ADAM9: variants seen among roughly 807,000 people sequenced by gnomAD.
The protein encoded by ADAM9 is ADAM metallopeptidase domain 9.
A neutral mutation model predicts 108.1 loss-of-function variants in ADAM9; 54 were observed. The observed-to-expected ratio is 0.50, with a 90% CI of 0.40 to 0.63. The LOEUF (loss-of-function observed/expected upper bound fraction) is 0.63, where lower values mean the gene tolerates loss of function less well. Ranked by LOEUF, ADAM9 falls within the 20% of genes least tolerant of loss-of-function variation. The probability of loss-of-function intolerance (pLI) is 0.00; values close to 1 mark genes in which losing one functional copy is unlikely to be tolerated. For synonymous variants in ADAM9, 316 were observed against 336.0 expected (o/e 0.94, Z 0.65); for missense variants, 830 against 997.7 (o/e 0.83, Z 2.26).
chr8:39,031,432 T>C (rs4733969), intron 11 of ADAM9, among the ~76,000 whole-genome samples: 123,117 of 152,174 alleles, frequency 0.81, 49,961 homozygotes, highest in East Asian at 0.95. Context: ...CACCTTTTGC[T>C]AATAACACAG....
chr8:39,033,571 CTTATAA>C (rs1387443358), intron 11 of ADAM9, among the ~76,000 whole-genome samples: 3 of 151,032 alleles, frequency 2.0e-5, no homozygotes, highest in African/African-American at 7.3e-5. Context: ...AAATATATGT[CTTATAA>C]TTATATCACT....
At chr8:39,067,091 G>A (rs1025435000) in intron 14 of ADAM9, among the ~76,000 whole-genome samples, 2 of 152,102 alleles carry the variant, frequency 1.3e-5, no homozygotes, top group Non-Finnish European at 2.9e-5. Context: ...TGAGGGCTCT[G>A]TTCTGTTCCA....
chr8:39,080,367 C>G (rs1249879178), intron 16 of ADAM9, among the ~76,000 whole-genome samples: 1 of 151,898 alleles, frequency 6.6e-6, no homozygotes, highest in East Asian at 1.9e-4. Context: ...TTTTTAAGAC[C>G]TTTTGTCTTT....
chr8:39,083,236 T>G (rs149879794), intron 18 of ADAM9, among the ~76,000 whole-genome samples, 163 bp downstream of exon 18: 17 of 152,296 alleles, frequency 1.1e-4, no homozygotes, highest in African/African-American at 4.1e-4. Flanking sequence ...TCATCCCCAT[T>G]TATTACTTTC....
intron 3 of ADAM9, 91 bp downstream of exon 3, chr8:39,011,807 T>C: frequency 8.1e-7 from 1 of 1,239,716 alleles, no homozygotes; most frequent in Admixed American, 1.7e-5. Flanking sequence ...TAGTGGATCC[T>C]GAACCCTGGG....
intron 20 of ADAM9, among the ~76,000 whole-genome samples, chr8:39,097,102 TAGC>T (rs934116585): frequency 9.2e-5 from 14 of 152,180 alleles, no homozygotes; most frequent in African/African-American, 3.4e-4. Flanking sequence ...TTTGAAGAAT[TAGC>T]TGCCTTTCTC....
At chr8:39,065,180 T>C (rs1406316280) in intron 14 of ADAM9, among the ~76,000 whole-genome samples, 3 of 151,630 alleles carry the variant, frequency 2.0e-5, no homozygotes, top group African/African-American at 7.3e-5. Context: ...GATTTTCTTA[T>C]CTTTCCTGTC....
chr8:39,081,792 T>C (rs1354043864), intron 16 of ADAM9, among the ~76,000 whole-genome samples: 9 of 152,218 alleles, frequency 5.9e-5, no homozygotes, highest in African/African-American at 2.2e-4. Context: ...ATTTAAATAT[T>C]CTGATCTTGT....
At chr8:39,067,122 G>C (rs1838505398) in intron 14 of ADAM9, among the ~76,000 whole-genome samples, 1 of 152,032 alleles carries the variant, frequency 6.6e-6, no homozygotes, top group South Asian at 2.1e-4. Context: ...TCTCTGTTTT[G>C]GTACCAGTAC....
chr8:39,021,116 C>G (rs1472533571), intron 7 of ADAM9, among the ~76,000 whole-genome samples: 1 of 152,154 alleles, frequency 6.6e-6, no homozygotes, highest in Non-Finnish European at 1.5e-5. Context: ...CTTCAGTGCT[C>G]TTTCATTATT....
At chr8:39,056,874 A>G (rs930505679) in intron 14 of ADAM9, among the ~76,000 whole-genome samples, 2 of 152,116 alleles carry the variant, frequency 1.3e-5, no homozygotes, top group Non-Finnish European at 2.9e-5. Context: ...ATAGTTAGTT[A>G]GGGTTCTCTA....
intron 11 of ADAM9, among the ~76,000 whole-genome samples, chr8:39,035,123 A>G (rs1837227945): frequency 6.6e-6 from 1 of 151,624 alleles, no homozygotes; most frequent in Admixed American, 6.6e-5. Flanking sequence ...AGTTTTTTAA[A>G]TATGTTTCCT....
At chr8:39,082,861 C>T (rs896350672) in intron 17 of ADAM9, 107 bp from the exon 18 acceptor site, 108 of 1,322,838 alleles carry the variant, frequency 8.2e-5, no homozygotes, top group Non-Finnish European at 9.8e-5. Flanking sequence ...TAAACAGTGT[C>T]AGTAAGCTTG....
At chr8:39,087,516 T>G (rs1488042872) in intron 18 of ADAM9, among the ~76,000 whole-genome samples, 7 of 152,240 alleles carry the variant, frequency 4.6e-5, no homozygotes, top group African/African-American at 1.7e-4. Context: ...GATAACTCAC[T>G]GTTAACATTG....
At chr8:39,052,371 T>G (rs1837985206) in intron 12 of ADAM9, among the ~76,000 whole-genome samples, 1 of 152,216 alleles carries the variant, frequency 6.6e-6, no homozygotes, top group South Asian at 2.1e-4. Flanking sequence ...ACATAACTCC[T>G]TTGTTATATA....
At chr8:39,063,582 C>G (rs1206765303) in intron 14 of ADAM9, among the ~76,000 whole-genome samples, 1 of 152,138 alleles carries the variant, frequency 6.6e-6, no homozygotes, top group African/African-American at 2.4e-5. Context: ...ATTAGCCAGG[C>G]ATAGTGGTGC....
intron 20 of ADAM9, among the ~76,000 whole-genome samples, chr8:39,092,634 TAAA>T (rs550345945): frequency 1.3e-5 from 2 of 148,394 alleles, no homozygotes; most frequent in African/African-American, 2.5e-5. Flanking sequence ...ACAGTAGTGG[TAAA>T]AAAAAAACCC....
intron 11 of ADAM9, among the ~76,000 whole-genome samples, chr8:39,030,183 A>G (rs1269384922): frequency 6.6e-6 from 1 of 152,164 alleles, no homozygotes; most frequent in Non-Finnish European, 1.5e-5. Context: ...TATGATGACA[A>G]GTATCCCTCA....
intron 8 of ADAM9, among the ~76,000 whole-genome samples, chr8:39,022,844 G>A (rs1361775412): frequency 6.6e-6 from 1 of 152,006 alleles, no homozygotes; most frequent in Non-Finnish European, 1.5e-5. Context: ...CTCCCAAGTA[G>A]CTGGGTTTAC....
Sources: gnomAD v4.1 joint callset for allele counts (sites outside exome capture counted in the v4.1 genomes callset) on GRCh38, gnomAD v4.1.1 for gene constraint, MANE v1.5 for transcripts, NCBI Gene and HGNC (gene_info 2026-07-23, HGNC 2026-07-21) for gene names.